BBS2: variants seen among roughly 807,000 people sequenced by gnomAD.
BBS2 encodes the protein Bardet-Biedl syndrome 2.
In BBS2, 62 loss-of-function variants were observed where a neutral mutation model predicts 83.0. The ratio of observed to expected loss-of-function variants is 0.75; its 90% CI spans 0.61 to 0.92. The LOEUF (loss-of-function observed/expected upper bound fraction) is 0.92. Among genes scored for constraint, BBS2 ranks in the 40% least tolerant of loss-of-function variants. BBS2 has a pLI of 0.00. For synonymous variants in BBS2, 303 were observed against 326.1 expected, an observed-to-expected ratio of 0.93 and a Z score of 0.76; for missense variants, 784 against 901.0, an observed-to-expected ratio of 0.87 and a Z score of 1.66.
At chr16:56,497,670 G>A in intron 14 of BBS2, 73 bp downstream of exon 14, 1 of 1,582,412 alleles carries the variant, frequency 6.3e-7, no homozygotes, top group Non-Finnish European at 8.7e-7. Context: ...AAGTACATTT[G>A]TAGTACCATT....
Position 56,470,754 on chromosome 16 carries a change from G to C in BBS2, c.*1-59C>G, listed in dbSNP as rs148627729. On this transcript the variant is annotated intron_variant, in intron 17 of 17. Transcript: ENST00000682047. The stretch of plus-strand genomic sequence containing the variant: ...ACAACAGCCAACAGAGCAATGAGCA[G>C]ACAGACCCAGAGCCAGAGGAAAATG... The C allele has an allele frequency of 1.1e-5, 17 of 1,610,794 alleles. No homozygotes were observed. In the African/African-American group the frequency reaches 2.3e-4, roughly 22 times the overall value.
At chr16:56,481,118 T>C (rs1963655210), downstream of BBS2, among the ~76,000 whole-genome samples, 1 of 152,184 alleles carries the variant, frequency 6.6e-6, no homozygotes, top group African/African-American at 2.4e-5. Context: ...CTGTAACTGC[T>C]AATTATAAAA....
At chr16:56,481,764 C>T (rs1250592895), downstream of BBS2, among the ~76,000 whole-genome samples, 2 of 152,164 alleles carry the variant, frequency 1.3e-5, no homozygotes, top group Non-Finnish European at 2.9e-5. Context: ...AGGATGAGTT[C>T]TAAGTTGGGG....
intron 15 of BBS2, among the ~76,000 whole-genome samples, chr16:56,496,056 C>T (rs537894282): frequency 1.3e-5 from 2 of 152,092 alleles, no homozygotes; most frequent in African/African-American, 2.4e-5. Flanking sequence ...AACCATTTAC[C>T]TCTGAGCAAA....
Position 56,506,200 on chromosome 16 carries a change from A to G in BBS2, c.637T>C (p.Tyr213His), listed in dbSNP as rs763075980. 8 of 1,613,948 alleles carry G rather than the reference A, an allele frequency of 5.0e-6. No homozygotes were observed. The highest frequency in any genetic ancestry group is 5.9e-6 in the Non-Finnish European group (7 of 1,179,882). The part of the protein sequence containing the change: ...TEIVTSLCPM[Y>H]GSRFGYALSN... Reference sequence around the variant, plus strand: ...AGGGCATAACCAAATCGACTGCCATACATGGGACAAAGAGAGGTGACTATC... The same window carrying G: ...AGGGCATAACCAAATCGACTGCCATGCATGGGACAAAGAGAGGTGACTATC... The change falls in exon 6 of 17, where the codon TAT becomes CAT. Residue 213 changes from tyrosine to histidine, a missense_variant. Physicochemically the swap from Tyr to His is moderately conservative, Grantham distance 83. Transcript: ENST00000245157.
intron 9 of BBS2, chr16:56,501,742 T>C (rs1400027014): frequency 3.7e-6 from 2 of 534,324 alleles, no homozygotes; most frequent in East Asian, 3.4e-5. Flanking sequence ...ATCATGACTT[T>C]AACATTTTTG....
At position 56,484,513 on chromosome 16, in the gene BBS2, A is replaced by G. The variant is rs1248777228; in HGVS notation, c.*248T>C. 4.9e-6 allele frequency: 2 copies of G among 404,114 alleles called. No individual in the cohort carries two copies. The highest frequency in any genetic ancestry group is 4.6e-6 in the Non-Finnish European group (1 of 219,654). 25.0% of individuals were successfully genotyped at this position (404,114 alleles called of 1,614,324 possible). ...AGCAAAATTGGACTCTGAAGCCCTAATACTTCAAAAGCATTCATCCTATTC... is the reference window on the plus strand; with the variant it reads ...AGCAAAATTGGACTCTGAAGCCCTAGTACTTCAAAAGCATTCATCCTATTC... On this transcript the variant is annotated 3_prime_UTR_variant, in exon 17 of 17. Transcript: ENST00000245157.
At chr16:56,475,994 T>C (rs765768904) in intron 17 of BBS2, 1 of 1,513,626 alleles carries the variant, frequency 6.6e-7, no homozygotes, top group African/African-American at 1.4e-5. Flanking sequence ...CATCCAAGAT[T>C]TGAGAATAAG....
chr16:56,517,623 A>G (rs1964789071), intron 1 of BBS2, among the ~76,000 whole-genome samples: 1 of 152,152 alleles, frequency 6.6e-6, no homozygotes, highest in Non-Finnish European at 1.5e-5. Flanking sequence ...CCCCTCTCAA[A>G]TGTAAGCTCC....
Position 56,484,685 on chromosome 16 carries a change from G to T in BBS2, c.*76C>A. On this transcript the variant is annotated 3_prime_UTR_variant, in exon 17 of 17. Transcript: ENST00000245157. ...CTTAGCACCCGGGGTTCACCAGGGTGTGATCCAAAGCAAACCAGCATAGGT... is the reference window on the plus strand; with the variant it reads ...CTTAGCACCCGGGGTTCACCAGGGTTTGATCCAAAGCAAACCAGCATAGGT... 1 of 1,295,418 alleles carries T rather than the reference G, an allele frequency of 7.7e-7. No homozygotes were observed. Among genetic ancestry groups the T allele is most frequent in the Non-Finnish European group, 1.1e-6 (1 of 899,576 alleles). 80.2% of individuals were successfully genotyped at this position (1,295,418 alleles called of 1,614,324 possible). A position where few individuals can be genotyped will look rare whatever the true frequency, so the allele number is the denominator to read the frequency against.
chr16:56,509,185 A>T (rs1163342769), intron 5 of BBS2, among the ~76,000 whole-genome samples: 1 of 152,236 alleles, frequency 6.6e-6, no homozygotes, highest in Non-Finnish European at 1.5e-5. Flanking sequence ...ATGCCATTTC[A>T]TAGCCAAGAC....
At chr16:56,474,198 A>G (rs1232373086) in intron 17 of BBS2, among the ~76,000 whole-genome samples, 1 of 152,100 alleles carries the variant, frequency 6.6e-6, no homozygotes, top group African/African-American at 2.4e-5. Context: ...AGGTAATAAC[A>G]TGCTGAGAAA....
intron 14 of BBS2, 119 bp downstream of exon 14, chr16:56,497,624 G>A: frequency 7.0e-7 from 1 of 1,426,432 alleles, no homozygotes; most frequent in Non-Finnish European, 9.8e-7. Flanking sequence ...TTTACTTCAA[G>A]AATTGCAAAA....
intron 15 of BBS2, among the ~76,000 whole-genome samples, chr16:56,487,088 T>C (rs751329306): frequency 6.6e-6 from 1 of 152,040 alleles, no homozygotes; most frequent in Non-Finnish European, 1.5e-5. Flanking sequence ...ATCTCGATTG[T>C]AGTAGTAGCA....
chr16:56,502,557 G>A, intron 8 of BBS2, 101 bp from the exon 9 acceptor site: 1 of 1,608,240 alleles, frequency 6.2e-7, no homozygotes, highest in Non-Finnish European at 8.5e-7. Context: ...CAACTTTGGT[G>A]AATTTATTAG....
intron 12 of BBS2, chr16:56,498,816 C>A: frequency 1.1e-6 from 1 of 945,886 alleles, no homozygotes. Context: ...CATAATTATG[C>A]CTGGCCCCAC....
At chr16:56,495,574 T>C (rs1379638826) in intron 15 of BBS2, among the ~76,000 whole-genome samples, 1 of 152,174 alleles carries the variant, frequency 6.6e-6, no homozygotes, top group Admixed American at 6.5e-5. Context: ...TTAAACGATT[T>C]CCAACCAAAT....
intron 7 of BBS2, 51 bp from the exon 8 acceptor site, chr16:56,502,859 C>T: frequency 6.2e-7 from 1 of 1,603,966 alleles, no homozygotes; most frequent in Non-Finnish European, 8.5e-7. Context: ...TGTTTAAAAA[C>T]CACAAAATTT....
intron 17 of BBS2, among the ~76,000 whole-genome samples, chr16:56,473,101 T>G (rs1018736938): frequency 5.3e-5 from 8 of 152,072 alleles, no homozygotes; most frequent in Admixed American, 3.3e-4. Flanking sequence ...CGGCTAACGT[T>G]TTGTATTTTT....
Sources: gnomAD v4.1 joint callset for allele counts (sites outside exome capture counted in the v4.1 genomes callset) on GRCh38, gnomAD v4.1.1 for gene constraint, MANE v1.5 for transcripts, NCBI Gene and HGNC (gene_info 2026-07-23, HGNC 2026-07-21) for gene names.